SLC16A7: variants seen among roughly 807,000 people sequenced by gnomAD.
SLC16A7 encodes solute carrier family 16 member 7.
Under a neutral mutation model 34.9 loss-of-function variants are expected in SLC16A7, and 33 were observed. The observed-to-expected ratio is 0.94, with a 90% CI of 0.72 to 1.26. The LOEUF is 1.26. Ranked by LOEUF, SLC16A7 falls within the 50% of genes most tolerant of loss-of-function variation. SLC16A7 has a pLI of 0.00. For missense variants in SLC16A7, 573 were observed against 578.1 expected (o/e 0.99, Z 0.09); for synonymous variants, 201 against 206.6 (o/e 0.97, Z 0.23).
At chr12:59,665,628 G>A (rs1416254868) in intron 2 of SLC16A7, among the ~76,000 whole-genome samples, 1 of 151,900 alleles carries the variant, frequency 6.6e-6, no homozygotes, top group Non-Finnish European at 1.5e-5. Flanking sequence ...TTCACAGCTG[G>A]TGTCTAAAAA....
intron 1 of SLC16A7, among the ~76,000 whole-genome samples, chr12:59,654,674 AAC>A (rs1460665668): frequency 6.7e-6 from 1 of 149,498 alleles, no homozygotes; most frequent in African/African-American, 2.5e-5. Flanking sequence ...TTACTTTATA[AAC>A]ACACACATAG....
rs1433515140 is a variant in SLC16A7, at chr12:59,596,585, C to A, written c.-130+349C>A. The stretch of plus-strand genomic sequence containing the variant: ...GCTTTTACACCGAGACTCAGCGTGG[C>A]GCGGTGCACCCCAGTCTCCCTGGCT... On this transcript the variant is annotated intron_variant, in intron 1 of 5. Coordinates refer to ENST00000547379, the MANE Select transcript of SLC16A7 (RefSeq NM_001270623.2). The surrounding 1 kb of genome is among the most constrained non-coding windows in gnomAD (Gnocchi z 5.0). Among the ~76,000 whole-genome samples, 2 of 151,866 alleles carry A rather than the reference C, an allele frequency of 1.3e-5. No individual in the cohort carries two copies. Among genetic ancestry groups the A allele is most frequent in the African/African-American group, 4.8e-5 (2 of 41,334 alleles).
intron 3 of SLC16A7, among the ~76,000 whole-genome samples, chr12:59,711,704 G>T (rs1874245834): frequency 6.6e-6 from 1 of 152,052 alleles, no homozygotes; most frequent in Non-Finnish European, 1.5e-5. Context: ...TTTTTGTACA[G>T]ACGAGGTTTT....
At chr12:59,670,275 G>A (rs1298578879) in intron 2 of SLC16A7, among the ~76,000 whole-genome samples, 1 of 152,074 alleles carries the variant, frequency 6.6e-6, no homozygotes, top group African/African-American at 2.4e-5. Context: ...CTACTCCATT[G>A]TGACCTCATC....
At chr12:59,701,285 A>G (rs1005460690) in intron 2 of SLC16A7, among the ~76,000 whole-genome samples, 2 of 151,778 alleles carry the variant, frequency 1.3e-5, no homozygotes, top group Non-Finnish European at 3.0e-5. Context: ...AGATGAAACC[A>G]CAGACTCAGT....
intron 3 of SLC16A7, among the ~76,000 whole-genome samples, chr12:59,714,414 G>T (rs1047162679): frequency 3.9e-5 from 6 of 152,198 alleles, no homozygotes; most frequent in African/African-American, 1.2e-4. Context: ...AGCTGTGGAG[G>T]CAGGAAGTTC....
intron 4 of SLC16A7, 86 bp downstream of exon 4, chr12:59,771,448 T>C: frequency 2.1e-6 from 2 of 972,704 alleles, no homozygotes; most frequent in South Asian, 5.7e-5. Flanking sequence ...AAAATTCTTA[T>C]TTTCTTTGAA....
At chr12:59,688,924 G>T (rs573343349) in intron 2 of SLC16A7, among the ~76,000 whole-genome samples, 206 of 151,942 alleles carry the variant, frequency 1.4e-3, no homozygotes, top group African/African-American at 4.8e-3. Flanking sequence ...TTTAAGTACT[G>T]TATATATTAT....
At chr12:59,615,963 G>T (rs1238824283) in intron 1 of SLC16A7, among the ~76,000 whole-genome samples, 1 of 152,174 alleles carries the variant, frequency 6.6e-6, no homozygotes, top group East Asian at 1.9e-4. Context: ...GCCAGGACCT[G>T]GTGACTGTTC....
chr12:59,757,496 CAT>C (rs1031224703), intron 3 of SLC16A7, among the ~76,000 whole-genome samples: 10 of 152,104 alleles, frequency 6.6e-5, no homozygotes, highest in Non-Finnish European at 1.3e-4. Context: ...TGATTTTTTT[CAT>C]GACTTGCACT....
chr12:59,682,998 G>A (rs887464885), intron 2 of SLC16A7, among the ~76,000 whole-genome samples: 1 of 151,998 alleles, frequency 6.6e-6, no homozygotes, highest in Non-Finnish European at 1.5e-5. Context: ...CCTGGGAGGC[G>A]GAGGATGCGG....
At chr12:59,645,537 G>T (rs557374924) in intron 1 of SLC16A7, among the ~76,000 whole-genome samples, 1 of 152,232 alleles carries the variant, frequency 6.6e-6, no homozygotes, top group Admixed American at 6.5e-5. Context: ...ATGATTGTAA[G>T]CTTCTTGAGG....
At chr12:59,602,339 A>G (rs893775403) in intron 1 of SLC16A7, among the ~76,000 whole-genome samples, 9 of 151,952 alleles carry the variant, frequency 5.9e-5, no homozygotes, top group Non-Finnish European at 1.5e-5. Context: ...TTCATCCCTA[A>G]TGCTTCTTGA....
chr12:59,740,768 AT>A (rs1264221106), intron 3 of SLC16A7, among the ~76,000 whole-genome samples: 1 of 152,126 alleles, frequency 6.6e-6, no homozygotes, highest in African/African-American at 2.4e-5. Context: ...AGGAAATCAA[AT>A]TGTCCCTGTT....
intron 1 of SLC16A7, among the ~76,000 whole-genome samples, chr12:59,623,173 T>A (rs982549635): frequency 1.3e-5 from 2 of 151,630 alleles, no homozygotes; most frequent in Non-Finnish European, 1.5e-5. Flanking sequence ...TTAGCATCTC[T>A]CATGGTCGAA....
chr12:59,667,625 T>C (rs1038044785), intron 2 of SLC16A7, among the ~76,000 whole-genome samples: 3 of 152,132 alleles, frequency 2.0e-5, no homozygotes, highest in Non-Finnish European at 4.4e-5. Context: ...GCATAAAAGT[T>C]TGAAAAATCT....
intron 3 of SLC16A7, among the ~76,000 whole-genome samples, chr12:59,741,432 G>A (rs1304314137): frequency 1.3e-5 from 2 of 152,102 alleles, no homozygotes; most frequent in Non-Finnish European, 2.9e-5. Flanking sequence ...TGCTCTTAGT[G>A]CTGGTTAGTC....
At chr12:59,630,346 GGT>G (rs1252160655) in intron 1 of SLC16A7, among the ~76,000 whole-genome samples, 1 of 151,778 alleles carries the variant, frequency 6.6e-6, no homozygotes, top group Admixed American at 6.6e-5. Context: ...TTTTGCAAAT[GGT>G]AGTAGTTAGA....
intron 2 of SLC16A7, among the ~76,000 whole-genome samples, chr12:59,703,102 A>C (rs1461889283): frequency 6.6e-6 from 1 of 152,116 alleles, no homozygotes; most frequent in African/African-American, 2.4e-5. Context: ...GTATACCTAT[A>C]AGATTACATT....
Sources: allele counts gnomAD v4.1 joint callset (sites outside exome capture counted in the v4.1 genomes callset), GRCh38; gene constraint gnomAD v4.1.1; non-coding constraint Gnocchi (gnomAD v3.1); transcripts MANE v1.5; gene names NCBI Gene and HGNC (gene_info 2026-07-23, HGNC 2026-07-21).